ZNF536: variants seen among roughly 807,000 people sequenced by gnomAD.
ZNF536 encodes the protein zinc finger protein 536.
A neutral mutation model predicts 84.5 loss-of-function variants in ZNF536; 13 were observed. The ratio of observed to expected loss-of-function variants is 0.15; its 90% CI spans 0.10 to 0.24. The LOEUF (loss-of-function observed/expected upper bound fraction) is 0.24. Ranked by LOEUF, ZNF536 falls within the 10% of genes least tolerant of loss-of-function variation. ZNF536 has a pLI of 1.00. For synonymous variants in ZNF536, 811 were observed against 742.5 expected (o/e 1.09, Z -1.50); for missense variants, 1,536 against 1,747.5 (o/e 0.88, Z 2.16).
chr19:30,657,772 T>A (rs555895031), intron 1 of ZNF536, among the ~76,000 whole-genome samples: 54 of 152,292 alleles, frequency 3.5e-4, no homozygotes, highest in Non-Finnish European at 7.5e-4. Flanking sequence ...TTATCCTTGA[T>A]TTCTCCTCTC....
chr19:30,566,290 C>A (rs1277873400), intron 1 of ZNF536, among the ~76,000 whole-genome samples: 1 of 152,150 alleles, frequency 6.6e-6, no homozygotes, highest in Non-Finnish European at 1.5e-5. Flanking sequence ...ACTGTTTCCC[C>A]AAAATATCTC....
chr19:30,331,977 T>A (rs549771959), intron 2 of ZNF536, among the ~76,000 whole-genome samples: 7 of 152,204 alleles, frequency 4.6e-5, no homozygotes, highest in African/African-American at 1.4e-4. Context: ...TGATGAATCT[T>A]CAGTCCCGGG....
chr19:30,507,635 G>A (rs942833526), intron 2 of ZNF536, among the ~76,000 whole-genome samples: 2 of 152,032 alleles, frequency 1.3e-5, no homozygotes, highest in Non-Finnish European at 2.9e-5. Flanking sequence ...TATCTAAAAG[G>A]TATTTAAAAA....
At chr19:30,677,558 A>G (rs1345473438) in intron 1 of ZNF536, among the ~76,000 whole-genome samples, 1 of 152,226 alleles carries the variant, frequency 6.6e-6, no homozygotes, top group Admixed American at 6.5e-5. Context: ...TCAGGCCCAG[A>G]GCAAAATGTC....
At chr19:30,696,934 T>C (rs914102866) in intron 1 of ZNF536, among the ~76,000 whole-genome samples, 12 of 152,228 alleles carry the variant, frequency 7.9e-5, no homozygotes, top group African/African-American at 2.9e-4. Context: ...GTTCTGCCTC[T>C]CTCTGGCTTT....
intron 2 of ZNF536, among the ~76,000 whole-genome samples, chr19:30,303,830 G>A (rs904535716): frequency 6.6e-6 from 1 of 152,064 alleles, no homozygotes; most frequent in Non-Finnish European, 1.5e-5. Flanking sequence ...AGATACTATC[G>A]GTGCCCCTTG....
At chr19:30,286,015 G>A (rs917456660) in intron 2 of ZNF536, among the ~76,000 whole-genome samples, 1 of 152,178 alleles carries the variant, frequency 6.6e-6, no homozygotes, top group Admixed American at 6.5e-5. Context: ...GAGAGAAGAT[G>A]TGTGGGTGAA....
At chr19:30,410,465 CTTTTTTTTTTT>C (rs201561646) in intron 1 of ZNF536, among the ~76,000 whole-genome samples, 4 of 122,632 alleles carry the variant, frequency 3.3e-5, no homozygotes, top group Non-Finnish European at 4.7e-5. Flanking sequence ...AAGTGAAGGT[CTTTTTTTTTTT>C]TTTTTTTTTT....
chr19:30,487,333 A>C (rs1206008479), intron 2 of ZNF536, among the ~76,000 whole-genome samples: 2 of 152,224 alleles, frequency 1.3e-5, no homozygotes, highest in South Asian at 2.1e-4. Flanking sequence ...CTTGATGGAC[A>C]TGATGCAGCC....
At chr19:30,377,877 G>A (rs1156951727) in intron 1 of ZNF536, among the ~76,000 whole-genome samples, 6 of 152,152 alleles carry the variant, frequency 3.9e-5, no homozygotes, top group Non-Finnish European at 8.8e-5. Flanking sequence ...ATTTTACCCA[G>A]CTCCTATTCA....
rs560181052 is a variant in ZNF536, at chr19:30,574,730, G to A, written c.169+25216G>A. On this transcript the variant is annotated intron_variant, in intron 1 of 1. Coordinates refer to the ZNF536 transcript ENST00000592773. ...CCATGTCACAGCAACAAAACTGAAG[G>A]TATGCACTTCATCATGATCAAGTGT... Among the ~76,000 whole-genome samples, 23 of 152,290 alleles carry A rather than the reference G, an allele frequency of 1.5e-4. No homozygotes were observed. In the East Asian group the frequency reaches 4.0e-3, roughly 27 times the overall value.
intron 2 of ZNF536, among the ~76,000 whole-genome samples, chr19:30,473,451 C>G (rs1456161857): frequency 6.6e-6 from 1 of 152,126 alleles, no homozygotes; most frequent in East Asian, 1.9e-4. Flanking sequence ...ACATCCACCC[C>G]AGGAAGCTTT....
intron 2 of ZNF536, among the ~76,000 whole-genome samples, chr19:30,347,482 G>A (rs1490424100): frequency 6.6e-6 from 1 of 152,206 alleles, no homozygotes; most frequent in Non-Finnish European, 1.5e-5. Context: ...ATGGCTGGAA[G>A]TTGAGTATTT....
At chr19:30,406,405 A>C (rs1002232920) in intron 1 of ZNF536, among the ~76,000 whole-genome samples, 1 of 152,130 alleles carries the variant, frequency 6.6e-6, no homozygotes, top group Non-Finnish European at 1.5e-5. Flanking sequence ...AAGGTTCTGA[A>C]GGTGTTTTCT....
At chr19:30,449,955 C>G (rs1460162069) in intron 2 of ZNF536, among the ~76,000 whole-genome samples, 1 of 152,086 alleles carries the variant, frequency 6.6e-6, no homozygotes, top group Non-Finnish European at 1.5e-5. Flanking sequence ...GTGGCTCCCC[C>G]TCCCTGCCCC....
At chr19:30,276,746 TGTACTGTTAAACC>T (rs934886132) in intron 1 of ZNF536, among the ~76,000 whole-genome samples, 7 of 152,194 alleles carry the variant, frequency 4.6e-5, no homozygotes, top group African/African-American at 1.7e-4. Context: ...TCCTTGGATG[TGTACTGTTAAACC>T]GTAAATTCCG....
At chr19:30,266,746 T>C (rs2025533626) in intron 1 of ZNF536, among the ~76,000 whole-genome samples, 1 of 152,226 alleles carries the variant, frequency 6.6e-6, no homozygotes, top group Non-Finnish European at 1.5e-5. Context: ...GTGAGTGATA[T>C]TGGCTGGCAG....
At chr19:30,517,520 G>A (rs2044131691) in intron 2 of ZNF536, among the ~76,000 whole-genome samples, 1 of 152,178 alleles carries the variant, frequency 6.6e-6, no homozygotes, top group African/African-American at 2.4e-5. Flanking sequence ...AGTTTCTCAG[G>A]AGAAGCTGGA....
At chr19:30,499,239 C>T (rs769989717) in intron 2 of ZNF536, among the ~76,000 whole-genome samples, 8 of 150,250 alleles carry the variant, frequency 5.3e-5, no homozygotes, top group Non-Finnish European at 1.2e-4. Flanking sequence ...TTTTTGAGGG[C>T]CTATCTGTTC....
Sources: allele counts gnomAD v4.1 joint callset (sites outside exome capture counted in the v4.1 genomes callset), GRCh38; gene constraint gnomAD v4.1.1; transcripts MANE v1.5; gene names NCBI Gene and HGNC (gene_info 2026-07-23, HGNC 2026-07-21).